MYMX: variants seen among roughly 807,000 people sequenced by gnomAD.
The protein encoded by MYMX is myomixer, myoblast fusion factor, also known as protein myomixer.
the MYMX span, among the ~76,000 whole-genome samples, chr6:44,199,394 C>CGAG: frequency 3.3e-5 from 5 of 151,728 alleles, no homozygotes; most frequent in Non-Finnish European, 7.4e-5. Context: ...GAGACAGTTT[C>CGAG]ATCATGTTGC....
chr6:44,195,504 TC>T, the MYMX span, among the ~76,000 whole-genome samples: 1 of 152,080 alleles, frequency 6.6e-6, no homozygotes, highest in East Asian at 1.9e-4. Context: ...TCTCACTCTG[TC>T]ACCCAGACTG....
rs780396373 is a variant in MYMX at position 44,217,307 on chromosome 6, T to G, written c.-22-143T>G. On this transcript the variant is annotated intron_variant, in intron 1 of 1. Transcript: ENST00000573382. The stretch of plus-strand genomic sequence containing the variant: ...TGCCTTGCCAAGAGAAAGGGCTTCA[T>G]GAAAGCAAAAATGACCTACAAATTG... The G allele has an allele frequency of 5.0e-6, 2 of 397,344 alleles. 1 individual carries two copies. The highest frequency in any genetic ancestry group is 8.9e-6 in the Non-Finnish European group (2 of 225,836). The allele number at this position is 397,344 out of a possible 1,614,324, so 24.6% of individuals were successfully genotyped here. A position where few individuals can be genotyped will look rare whatever the true frequency, so the allele number is the denominator to read the frequency against.
upstream of MYMX, among the ~76,000 whole-genome samples, chr6:44,213,654 A>G (rs1775717456): frequency 6.6e-6 from 1 of 152,144 alleles, no homozygotes; most frequent in Non-Finnish European, 1.5e-5. Context: ...TTCTGACCTC[A>G]GGTGATCTGC....
the MYMX span, among the ~76,000 whole-genome samples, chr6:44,207,703 T>C: frequency 6.6e-6 from 1 of 152,098 alleles, no homozygotes; most frequent in Non-Finnish European, 1.5e-5. Context: ...CAGCTAATTT[T>C]GTATTTTTAG....
At chr6:44,207,815 G>A in the MYMX span, among the ~76,000 whole-genome samples, 2 of 152,170 alleles carry the variant, frequency 1.3e-5, no homozygotes, top group African/African-American at 4.8e-5. Flanking sequence ...ACAGGCATGA[G>A]CCACTGTGCC....
At chr6:44,194,875 A>G in the MYMX span, among the ~76,000 whole-genome samples, 3 of 152,066 alleles carry the variant, frequency 2.0e-5, no homozygotes, top group East Asian at 1.9e-4. Context: ...GTTTCACACC[A>G]TGTTACATAG....
At chr6:44,204,764 G>A in the MYMX span, among the ~76,000 whole-genome samples, 1 of 152,188 alleles carries the variant, frequency 6.6e-6, no homozygotes, top group East Asian at 1.9e-4. Flanking sequence ...GCTCAGGATA[G>A]TACATAAGCC....
At chr6:44,196,683 G>A in the MYMX span, among the ~76,000 whole-genome samples, 1 of 152,152 alleles carries the variant, frequency 6.6e-6, no homozygotes, top group Non-Finnish European at 1.5e-5. Flanking sequence ...AACAGGACGG[G>A]CGCAGTGGTT....
the MYMX span, among the ~76,000 whole-genome samples, chr6:44,207,106 A>C: frequency 6.6e-6 from 1 of 152,184 alleles, no homozygotes; most frequent in Non-Finnish European, 1.5e-5. Context: ...ATTCCTTGGC[A>C]AACCAAGATT....
chr6:44,217,388 T>C (rs73733871), intron 1 of MYMX, 62 bp from the exon 2 acceptor site: 13,576 of 398,400 alleles, frequency 0.034, 626 homozygotes, highest in African/African-American at 0.14. Flanking sequence ...GCCCACCCCA[T>C]GTCCTTGCCA....
In MYMX at chr6:44,217,931, G is replaced by T; in HGVS notation, c.*205G>T. On this transcript the variant is annotated 3_prime_UTR_variant, in exon 2 of 2. Coordinates refer to ENST00000573382, the MANE Select transcript of MYMX (RefSeq NM_001315494.2). ...AATGCCTTGCATCTAGCACAAAACT[G>T]ATTATTGCCCCTCTGTCCTCCAGCA... 1 of 391,514 alleles carries T rather than the reference G, an allele frequency of 2.6e-6. No homozygotes were observed. The highest frequency in any genetic ancestry group is 4.5e-6 in the Non-Finnish European group (1 of 221,886). 24.3% of individuals were successfully genotyped at this position (391,514 alleles called of 1,614,324 possible). A position where few individuals can be genotyped will look rare whatever the true frequency, so the allele number is the denominator to read the frequency against.
At chr6:44,211,113 T>C in the MYMX span, among the ~76,000 whole-genome samples, 37 of 152,210 alleles carry the variant, frequency 2.4e-4, no homozygotes, top group East Asian at 6.7e-3. Context: ...AATAAATAAA[T>C]AAACAAACAA....
chr6:44,204,709 C>T, the MYMX span, among the ~76,000 whole-genome samples: 2 of 152,184 alleles, frequency 1.3e-5, no homozygotes, highest in African/African-American at 4.8e-5. Context: ...CCCTCACCCT[C>T]TTATGTCTCC....
In MYMX at chr6:44,217,600, G is replaced by C; in HGVS notation, c.129G>C (p.Gln43His). The change falls in exon 2 of 2, where the codon CAG (glutamine) becomes CAC (histidine). Residue 43 changes from glutamine to histidine, a missense_variant. Gln to His is a conservative substitution (Grantham distance 24). Coordinates refer to ENST00000573382, the MANE Select transcript of MYMX (RefSeq NM_001315494.2). ...GATTGGCCCGCCGCCTGGGCTCCCAGGACATGCGAGAGGCTTTGCTGGGCT... is the reference window on the plus strand; with the variant it reads ...GATTGGCCCGCCGCCTGGGCTCCCACGACATGCGAGAGGCTTTGCTGGGCT... The part of the protein sequence containing the change: ...LRRLARRLGS[Q>H]DMREALLGCL... 2.5e-6 allele frequency: 1 copy of C among 401,880 alleles called. No homozygotes were observed. The highest frequency in any genetic ancestry group is 4.4e-6 in the Non-Finnish European group (1 of 227,032). 24.9% of individuals were successfully genotyped at this position (401,880 alleles called of 1,614,324 possible).
the MYMX span, among the ~76,000 whole-genome samples, chr6:44,193,228 A>G: frequency 2.6e-5 from 4 of 152,182 alleles, no homozygotes; most frequent in Non-Finnish European, 5.9e-5. Context: ...GGATATAACA[A>G]AGAGTGCTAC....
chr6:44,196,777 G>A, the MYMX span, among the ~76,000 whole-genome samples: 2 of 152,088 alleles, frequency 1.3e-5, no homozygotes, highest in Non-Finnish European at 2.9e-5. Context: ...TGACCAAAAT[G>A]GAGAAACCCT....
chr6:44,195,015 A>G, the MYMX span, among the ~76,000 whole-genome samples: 2 of 151,536 alleles, frequency 1.3e-5, no homozygotes, highest in African/African-American at 4.9e-5. Flanking sequence ...TTATTTATTT[A>G]TTTATTATTA....
At chr6:44,193,394 A>C in the MYMX span, among the ~76,000 whole-genome samples, 1 of 152,066 alleles carries the variant, frequency 6.6e-6, no homozygotes, top group Non-Finnish European at 1.5e-5. Context: ...GTACCATTCT[A>C]ACATTCAACC....
At chr6:44,198,464 C>G in the MYMX span, among the ~76,000 whole-genome samples, 13 of 151,898 alleles carry the variant, frequency 8.6e-5, no homozygotes, top group Non-Finnish European at 2.9e-5. Flanking sequence ...CGTGCCTGGC[C>G]TATCCCAAAT....
Sources: gnomAD v4.1 joint callset for allele counts (sites outside exome capture counted in the v4.1 genomes callset) on GRCh38, gnomAD v4.1.1 for gene constraint, MANE v1.5 for transcripts, NCBI Gene and HGNC (gene_info 2026-07-23, HGNC 2026-07-21) for gene names.